Variants in BACH2 observed in about 807,000 individuals in gnomAD.
The protein encoded by BACH2 is BACH transcriptional regulator 2.
BACH2 carries 5 observed loss-of-function variants against 61.8 expected under a neutral mutation model. That is an observed-to-expected ratio of 0.08 (90% CI 0.04 to 0.17). The LOEUF (loss-of-function observed/expected upper bound fraction) is 0.17. Ranked by LOEUF, BACH2 falls within the 10% of genes least tolerant of loss-of-function variation. The probability of loss-of-function intolerance (pLI) is 1.00; values close to 1 mark genes in which losing one functional copy is unlikely to be tolerated. For synonymous variants in BACH2, 446 were observed against 440.1 expected (o/e 1.01, Z -0.17); for missense variants, 824 against 1,091.1 (o/e 0.76, Z 3.45).
chr6:90,033,507 A>G (rs1440653749), intron 5 of BACH2, among the ~76,000 whole-genome samples: 1 of 152,196 alleles, frequency 6.6e-6, no homozygotes, highest in Non-Finnish European at 1.5e-5. Context: ...CATTGGACCC[A>G]ACACAACCAA....
chr6:89,970,507 G>A lies in BACH2; in HGVS notation c.244-18645C>T, dbSNP rs985422712. On this transcript the variant is annotated intron_variant, in intron 6 of 8. Transcript: ENST00000257749. Reference sequence around the variant, plus strand: ...TTTATACATGCATTTGTATATCTCCGGGGAGGCATAGCTTCAAAAAAACAT... The same window carrying A: ...TTTATACATGCATTTGTATATCTCCAGGGAGGCATAGCTTCAAAAAAACAT... Among the ~76,000 whole-genome samples, 5 of 152,166 alleles carry A rather than the reference G, an allele frequency of 3.3e-5. 1 individual carries two copies. The highest frequency in any genetic ancestry group is 4.1e-4 in the South Asian group (2 of 4,826).
intron 4 of BACH2, among the ~76,000 whole-genome samples, chr6:90,177,788 C>T (rs1444563828): frequency 6.6e-6 from 1 of 152,094 alleles, no homozygotes; most frequent in East Asian, 1.9e-4. Flanking sequence ...AAATGCCATC[C>T]TTAACAGATC....
chr6:90,045,512 CTCTAT>C (rs1364922344), intron 5 of BACH2, among the ~76,000 whole-genome samples: 309 of 152,316 alleles, frequency 2.0e-3, no homozygotes, highest in African/African-American at 7.1e-3. Context: ...AACTTGTCAT[CTCTAT>C]TGAAGAAACA....
At chr6:90,199,633 C>A (rs1425892957) in intron 4 of BACH2, among the ~76,000 whole-genome samples, 1 of 152,144 alleles carries the variant, frequency 6.6e-6, no homozygotes, top group Non-Finnish European at 1.5e-5. Flanking sequence ...CAGTACAAGG[C>A]AGGTGGAGAC....
chr6:89,975,138 G>C (rs889211898), intron 6 of BACH2, among the ~76,000 whole-genome samples: 2 of 152,056 alleles, frequency 1.3e-5, no homozygotes, highest in African/African-American at 4.8e-5. Context: ...GCTTCATGAT[G>C]ATGTTTTCTG....
intron 2 of BACH2, among the ~76,000 whole-genome samples, chr6:90,266,434 A>G (rs1448587328): frequency 1.3e-5 from 2 of 152,116 alleles, no homozygotes; most frequent in Non-Finnish European, 2.9e-5. Flanking sequence ...ATGCCTCTCT[A>G]TGACTTAACT....
chr6:90,195,965 C>T (rs969340734), intron 4 of BACH2, among the ~76,000 whole-genome samples: 12 of 152,192 alleles, frequency 7.9e-5, no homozygotes, highest in African/African-American at 2.9e-4. Context: ...AGGGACTCCA[C>T]TGTGTCAACA....
intron 6 of BACH2, among the ~76,000 whole-genome samples, chr6:89,974,331 G>A (rs1775531638): frequency 6.6e-6 from 1 of 152,152 alleles, no homozygotes; most frequent in African/African-American, 2.4e-5. Flanking sequence ...GCGTCAATGA[G>A]TTAAACACGT....
chr6:89,970,640 G>A (rs866457378), intron 6 of BACH2, among the ~76,000 whole-genome samples: 3 of 152,040 alleles, frequency 2.0e-5, no homozygotes, highest in Non-Finnish European at 2.9e-5. Flanking sequence ...GCACCTGTAC[G>A]GCCCTTTTTC....
chr6:90,296,315 G>C (rs1747073572), intron 1 of BACH2, among the ~76,000 whole-genome samples, 165 bp downstream of exon 1: 7 of 151,412 alleles, frequency 4.6e-5, no homozygotes, highest in East Asian at 2.0e-4. Context: ...TGCCATAAAA[G>C]CGGGCAGGGC....
chr6:90,076,887 C>A (rs1253409163), intron 5 of BACH2, among the ~76,000 whole-genome samples: 1 of 152,176 alleles, frequency 6.6e-6, no homozygotes, highest in Non-Finnish European at 1.5e-5. Flanking sequence ...ATTTCACACT[C>A]CAAATGTCAA....
chr6:89,994,656 G>C (rs1776751516), intron 6 of BACH2, among the ~76,000 whole-genome samples: 1 of 152,164 alleles, frequency 6.6e-6, no homozygotes, highest in Non-Finnish European at 1.5e-5. Flanking sequence ...CATGGGGCAT[G>C]CAGAACCTTT....
At chr6:89,939,847 TAGA>T (rs1773310388) in intron 7 of BACH2, among the ~76,000 whole-genome samples, 1 of 58,598 alleles carries the variant, frequency 1.7e-5, no homozygotes, top group Admixed American at 2.3e-4. Context: ...TTTTTTTTTG[TAGA>T]GATGAGGTCT....
chr6:90,235,644 C>A (rs1166074810), intron 3 of BACH2, among the ~76,000 whole-genome samples: 1 of 152,010 alleles, frequency 6.6e-6, no homozygotes, highest in Non-Finnish European at 1.5e-5. Context: ...ATAGTGAGAC[C>A]CTGTCTCTAA....
chr6:90,094,310 C>A (rs1229671309), intron 4 of BACH2, among the ~76,000 whole-genome samples: 1 of 152,178 alleles, frequency 6.6e-6, no homozygotes, highest in African/African-American at 2.4e-5. Flanking sequence ...CTAGGATTTT[C>A]TTAGTGGCTT....
intron 5 of BACH2, among the ~76,000 whole-genome samples, chr6:90,027,296 C>T (rs965910095): frequency 2.0e-5 from 3 of 152,160 alleles, no homozygotes; most frequent in African/African-American, 7.2e-5. Context: ...CCTGTCCTGT[C>T]CTTGGCAGCT....
At chr6:90,048,623 G>C (rs187861210) in intron 5 of BACH2, among the ~76,000 whole-genome samples, 1 of 152,294 alleles carries the variant, frequency 6.6e-6, no homozygotes, top group Admixed American at 6.5e-5. Context: ...TTTCTAAAAT[G>C]TGCAAAAAAG....
At chr6:90,018,118 G>T (rs148156516) in intron 5 of BACH2, among the ~76,000 whole-genome samples, 213 of 152,282 alleles carry the variant, frequency 1.4e-3, no homozygotes, top group Non-Finnish European at 2.2e-3. Context: ...AGTCTGGCTG[G>T]TAGGAAATGA....
chr6:90,016,361 T>C (rs571882128), intron 5 of BACH2, among the ~76,000 whole-genome samples: 1 of 152,342 alleles, frequency 6.6e-6, no homozygotes, highest in Non-Finnish European at 1.5e-5. Flanking sequence ...ACTCTCTGTG[T>C]TAACTATTTT....
Sources: allele counts gnomAD v4.1 joint callset (sites outside exome capture counted in the v4.1 genomes callset), GRCh38; gene constraint gnomAD v4.1.1; transcripts MANE v1.5; gene names NCBI Gene and HGNC (gene_info 2026-07-23, HGNC 2026-07-21).